ZBTB7B: variants seen among roughly 807,000 people sequenced by gnomAD.
The protein encoded by ZBTB7B is zinc finger and BTB domain containing 7B, also known as zinc finger and BTB domain-containing protein 7B.
In ZBTB7B, 8 loss-of-function variants were observed where a neutral mutation model predicts 31.0. That is an observed-to-expected ratio of 0.26 (90% CI 0.15 to 0.47). The LOEUF (loss-of-function observed/expected upper bound fraction) is 0.47, where lower values mean the gene tolerates loss of function less well. Ranked by LOEUF, ZBTB7B falls within the 20% of genes least tolerant of loss-of-function variation. The pLI is 0.99. For synonymous variants in ZBTB7B, 261 were observed against 307.3 expected (o/e 0.85, Z 1.58); for missense variants, 494 against 742.4 (o/e 0.67, Z 3.89).
At position 155,015,210 on chromosome 1, in the gene ZBTB7B, G is replaced by A. The variant is rs1415279966; in HGVS notation, c.550G>A (p.Val184Met). 4 of 1,613,606 alleles carry A rather than the reference G, an allele frequency of 2.5e-6. No homozygotes were observed. In the South Asian group the frequency reaches 4.4e-5, roughly 18 times the overall value. ...CAATGGTGAAGACAGTCCTCCACAG[G>A]TGCCCCTCCCACCACCTCCGCCACC... ...VPNGEDSPPQ[V>M]PLPPPPPPPP... Residue 184 changes from valine to methionine, a missense_variant, in exon 2 of 3, where the codon GTG becomes ATG. By Grantham distance (21) the Val-to-Met change is conservative (BLOSUM62 1). This residue lies in a region of ZBTB7B where 216 missense variants were observed against 229.3 expected (regional missense o/e 0.94). Coordinates refer to ENST00000535420, the MANE Select transcript of ZBTB7B (RefSeq NM_001256455.2).
Position 155,003,682 on chromosome 1 carries a change from A to G in ZBTB7B, c.-7+739A>G, listed in dbSNP as rs1305963525. Among the ~76,000 whole-genome samples the G allele has an allele frequency of 6.6e-6, 1 of 151,858 alleles. No individual in the cohort carries two copies. The highest frequency in any genetic ancestry group is 1.5e-5 in the Non-Finnish European group (1 of 67,928). On this transcript the variant is annotated intron_variant, in intron 1 of 2. Transcript: ENST00000535420. This position sits in a 1 kb window ranked among gnomAD's most constrained non-coding sequence, Gnocchi z 5.8. Reference sequence around the variant, plus strand: ...GCGGGTGACTAGGAAGAATTCTCCTACCTACTACCCGTCCCCCCACCGGCG... The same window carrying G: ...GCGGGTGACTAGGAAGAATTCTCCTGCCTACTACCCGTCCCCCCACCGGCG...
At position 155,016,659 on chromosome 1, in the gene ZBTB7B, G is replaced by C. The variant is rs1351682378; in HGVS notation, c.1594G>C (p.Ala532Pro). The change falls in exon 3 of 3, where the codon GCT becomes CCT. Residue 532 changes from alanine to proline, a missense_variant. Around this residue, in one of 5 missense-constraint regions of ZBTB7B, gnomAD observed 101 missense variants for 119.5 expected, o/e 0.85. Coordinates refer to ENST00000535420, the MANE Select transcript of ZBTB7B (RefSeq NM_001256455.2). The surrounding 1 kb of genome is among the most constrained non-coding windows in gnomAD (Gnocchi z 4.3). ...EEEGAPTTPQAEGAMESS is the reference protein window; with the variant it reads ...EEEGAPTTPQPEGAMESS The stretch of plus-strand genomic sequence containing the variant: ...GGAAGGGGCACCCACCACACCCCAG[G>C]CTGAAGGTGCCATGGAGTCCTCTTA... 1.9e-6 allele frequency: 3 copies of C among 1,576,294 alleles called. No individual in the cohort carries two copies. Among genetic ancestry groups the C allele is most frequent in the Non-Finnish European group, 2.6e-6 (3 of 1,159,846 alleles).
At chr1:155,002,409 A>C (rs1276426766), upstream of ZBTB7B, among the ~76,000 whole-genome samples, 3 of 148,352 alleles carry the variant, frequency 2.0e-5, no homozygotes, top group Non-Finnish European at 3.0e-5. Context: ...GGAGGGTGGG[A>C]AAGGCTAGGA....
At chr1:155,010,818 T>C (rs1360324568) in intron 1 of ZBTB7B, 14 of 892,940 alleles carry the variant, frequency 1.6e-5, no homozygotes, top group Admixed American at 1.1e-4. Flanking sequence ...GGTGGGGGGG[T>C]GGAGGGAGAA....
chr1:155,011,230 G>T (rs1387038779), intron 1 of ZBTB7B, among the ~76,000 whole-genome samples: 1 of 152,274 alleles, frequency 6.6e-6, no homozygotes, highest in Non-Finnish European at 1.5e-5. Context: ...CAAGCCAGCA[G>T]TGTTGGCCTT....
Position 155,018,284 on chromosome 1 carries a change from C to G in ZBTB7B, c.*1599C>G. On this transcript the variant is annotated 3_prime_UTR_variant, in exon 3 of 3. Coordinates refer to ENST00000535420, the MANE Select transcript of ZBTB7B (RefSeq NM_001256455.2). ...TAATATATTGGGGTGGCGGGGAGAT[C>G]GGGTTGTCCTGGGCCTCATCTTAGC... is the stretch of plus-strand genomic sequence containing the variant. 1.9e-6 allele frequency: 1 copy of G among 518,360 alleles called. No individual in the cohort carries two copies. Among genetic ancestry groups the G allele is most frequent in the Non-Finnish European group, 3.5e-6 (1 of 289,030 alleles). 32.1% of individuals were successfully genotyped at this position (518,360 alleles called of 1,614,324 possible).
rs149226543 is a variant in ZBTB7B, at chr1:155,014,892, G to A, written c.232G>A (p.Gly78Arg). ...GGAVMGAGGS[G>R]TATGGAGAGV... ...AGCTGTCATGGGGGCCGGGGGTAGC[G>A]GGACGGCCACTGGGGGAGCAGGGGC... Residue 78 changes from glycine (G) to arginine (R), a missense_variant, in exon 2 of 3, where the codon GGG becomes AGG. By Grantham distance (125) the Gly-to-Arg change is moderately radical. Around this residue, in one of 5 missense-constraint regions of ZBTB7B, gnomAD observed 90 missense variants for 143.2 expected, o/e 0.63. Transcript: ENST00000535420. 1.6e-4 allele frequency: 255 copies of A among 1,613,992 alleles called. 1 individual carries two copies. The African/African-American group carries it at 2.0e-3, about 12-fold the overall frequency.
Position 155,017,342 on chromosome 1 carries a change from G to GCCCCTGGGGGCAGTAGAGGGGC in ZBTB7B, c.*661_*682dup, listed in dbSNP as rs1553257643. ...GCGGGGTGGCCTGATTGGCTCGCCTGCCCCTGGGGGCAGTAGAGGGGCCCC... is the reference window on the plus strand; with the variant it reads ...GCGGGGTGGCCTGATTGGCTCGCCTGCCCCTGGGGGCAGTAGAGGGGCCCCCTGGGGGCAGTAGAGGGGCCCC... On this transcript the variant is annotated 3_prime_UTR_variant, in exon 3 of 3. Coordinates refer to ENST00000535420, the MANE Select transcript of ZBTB7B (RefSeq NM_001256455.2). The GCCCCTGGGGGCAGTAGAGGGGC allele has an allele frequency of 6.0e-5, 6 of 100,744 alleles. No individual in the cohort carries two copies. Among genetic ancestry groups the GCCCCTGGGGGCAGTAGAGGGGC allele is most frequent in the Non-Finnish European group, 1.5e-4 (6 of 40,382 alleles). The allele number at this position is 100,744 out of a possible 1,614,324, so 6.2% of individuals were successfully genotyped here.
intron 1 of ZBTB7B, chr1:155,011,148 G>GGGA: frequency 1.2e-6 from 1 of 858,640 alleles, no homozygotes; most frequent in South Asian, 1.6e-5. Flanking sequence ...AATCCCCAGG[G>GGGA]TGGGGGAAAG....
At position 155,017,363 on chromosome 1, in the gene ZBTB7B, GCCCCGCCCAGCTAGGGGAGCCGCTC is replaced by G. The variant is rs1558093902; in HGVS notation, c.*680_*704del. 1 of 152,440 alleles carries G rather than the reference GCCCCGCCCAGCTAGGGGAGCCGCTC, an allele frequency of 6.6e-6. No individual in the cohort carries two copies. The highest frequency in any genetic ancestry group is 1.5e-5 in the Non-Finnish European group (1 of 68,310). 9.4% of individuals were successfully genotyped at this position (152,440 alleles called of 1,614,324 possible). ...GCCTGCCCCTGGGGGCAGTAGAGGG[GCCCCGCCCAGCTAGGGGAGCCGCTC>G]CGTTCCACTCCCCTCCCTAGCCCTC... On this transcript the variant is annotated 3_prime_UTR_variant, in exon 3 of 3. Coordinates refer to ENST00000535420, the MANE Select transcript of ZBTB7B (RefSeq NM_001256455.2).
chr1:155,002,378 AGGAAAGAAGGAG>A (rs1658281431), upstream of ZBTB7B, among the ~76,000 whole-genome samples: 1 of 148,352 alleles, frequency 6.7e-6, no homozygotes. Flanking sequence ...GACAGAGAGA[AGGAAAGAAGGAG>A]GGAAAGGAGG....
chr1:155,014,851 C>G lies in ZBTB7B; in HGVS notation c.191C>G (p.Thr64Ser). 1 of 1,614,226 alleles carries G rather than the reference C, an allele frequency of 6.2e-7. No individual in the cohort carries two copies. The highest frequency in any genetic ancestry group is 8.5e-7 in the Non-Finnish European group (1 of 1,180,034). Reference protein sequence around the residue: ...ACSHYFKKLFTEGGGGAVMGA... With the variant: ...ACSHYFKKLFSEGGGGAVMGA... The stretch of plus-strand genomic sequence containing the variant: ...AGCCACTACTTCAAGAAGCTTTTCA[C>G]TGAGGGCGGTGGCGGAGCTGTCATG... The change falls in exon 2 of 3, where the codon ACT becomes AGT. Residue 64 changes from threonine to serine, a missense_variant. Transcript: ENST00000535420.
chr1:155,005,521 G>T (rs1345185622), intron 1 of ZBTB7B, among the ~76,000 whole-genome samples: 2 of 152,218 alleles, frequency 1.3e-5, no homozygotes, highest in Non-Finnish European at 2.9e-5. Context: ...CAAGACCAAG[G>T]CCCCAAGATG....
At chr1:155,005,076 C>T (rs1474111738) in intron 1 of ZBTB7B, among the ~76,000 whole-genome samples, 1 of 152,160 alleles carries the variant, frequency 6.6e-6, no homozygotes, top group Non-Finnish European at 1.5e-5. Context: ...ACCCAGGGCC[C>T]CCAGCTCCTC....
chr1:155,006,655 G>T (rs1658574734), intron 1 of ZBTB7B, among the ~76,000 whole-genome samples: 1 of 152,158 alleles, frequency 6.6e-6, no homozygotes, highest in Non-Finnish European at 1.5e-5. Flanking sequence ...CCCAGTCCCT[G>T]ACAGGCCTCA....
chr1:155,013,962 G>A, intron 1 of ZBTB7B: 1 of 916,430 alleles, frequency 1.1e-6, no homozygotes, highest in East Asian at 1.2e-4. Context: ...GGCAAGAGGA[G>A]GAAGAGGATG....
rs1245122230 is a variant in ZBTB7B, at chr1:155,003,728, C to T, written c.-7+785C>T. Among the ~76,000 whole-genome samples, 2 of 152,234 alleles carry T rather than the reference C, an allele frequency of 1.3e-5. No homozygotes were observed. Among genetic ancestry groups the T allele is most frequent in the Non-Finnish European group, 2.9e-5 (2 of 68,038 alleles). ...CGGCGCCGGCGCACCTGCCCCAGCC[C>T]AGAGTGGGGGTCGCTACTGTGTTGT... On this transcript the variant is annotated intron_variant, in intron 1 of 2. Coordinates refer to ENST00000535420, the MANE Select transcript of ZBTB7B (RefSeq NM_001256455.2). The surrounding 1 kb of genome is among the most constrained non-coding windows in gnomAD (Gnocchi z 5.8).
chr1:155,018,284 CG>C lies in ZBTB7B; in HGVS notation c.*1602del, dbSNP rs1659615729. Reference sequence around the variant, plus strand: ...TAATATATTGGGGTGGCGGGGAGATCGGGTTGTCCTGGGCCTCATCTTAGCA... The same window carrying C: ...TAATATATTGGGGTGGCGGGGAGATCGGTTGTCCTGGGCCTCATCTTAGCA... On this transcript the variant is annotated 3_prime_UTR_variant, in exon 3 of 3. Transcript: ENST00000535420. The C allele has an allele frequency of 1.4e-5, 7 of 518,360 alleles. No homozygotes were observed. Among genetic ancestry groups the C allele is most frequent in the Non-Finnish European group, 2.4e-5 (7 of 289,030 alleles). 32.1% of individuals were successfully genotyped at this position (518,360 alleles called of 1,614,324 possible).
At position 155,018,352 on chromosome 1, in the gene ZBTB7B, G is replaced by C; in HGVS notation, c.*1667G>C. The C allele has an allele frequency of 4.8e-6, 3 of 618,858 alleles. No homozygotes were observed. The highest frequency in any genetic ancestry group is 8.4e-6 in the Non-Finnish European group (3 of 358,422). The allele number at this position is 618,858 out of a possible 1,614,324, so 38.3% of individuals were successfully genotyped here. On this transcript the variant is annotated 3_prime_UTR_variant, in exon 3 of 3. Transcript: ENST00000535420. ...GAGCCCAGGGCTGGGGAGACCTGGG[G>C]CCCAGCCCCAGAAAGTGGGGACAAT...
Sources: gnomAD v4.1 joint callset for allele counts (sites outside exome capture counted in the v4.1 genomes callset) on GRCh38, gnomAD v4.1.1 for gene constraint, gnomAD v4.1.1 regional missense constraint, Gnocchi (gnomAD v3.1) non-coding constraint, MANE v1.5 for transcripts, NCBI Gene and HGNC (gene_info 2026-07-23, HGNC 2026-07-21) for gene names.